ADAM18: variants seen among roughly 807,000 people sequenced by gnomAD.
ADAM18 encodes the protein ADAM metallopeptidase domain 18, also known as disintegrin and metalloproteinase domain-containing protein 18.
ADAM18 carries 117 observed loss-of-function variants against 94.4 expected under a neutral mutation model. The observed-to-expected ratio is 1.24, with a 90% CI of 1.07 to 1.45. ADAM18 has a LOEUF of 1.45. Among genes scored for constraint, ADAM18 ranks in the 40% most tolerant of loss-of-function variants. The pLI, the probability that ADAM18 is intolerant of heterozygous loss-of-function variation, is 0.00. For missense variants in ADAM18, 936 were observed against 880.0 expected, an observed-to-expected ratio of 1.06 and a Z score of -0.81; for synonymous variants, 327 against 291.6, an observed-to-expected ratio of 1.12 and a Z score of -1.24.
At chr8:39,595,384 G>T (rs1331905722) in intron 2 of ADAM18, among the ~76,000 whole-genome samples, 4 of 152,318 alleles carry the variant, frequency 2.6e-5, no homozygotes, top group Admixed American at 2.6e-4. Context: ...CCTGTTGGTA[G>T]TTCCAGGTTG....
In ADAM18 at chr8:39,612,908, C is replaced by T. The variant is rs7816439; in HGVS notation, c.522+2202C>T. 5.8e-3 allele frequency among the ~76,000 whole-genome samples: 887 copies of T among 152,246 alleles called. 10 individuals are homozygous for T. Among genetic ancestry groups the T allele is most frequent in the African/African-American group, 0.02 (845 of 41,536 alleles). On this transcript the variant is annotated intron_variant, in intron 6 of 19. Coordinates refer to ENST00000265707, the MANE Select transcript of ADAM18 (RefSeq NM_014237.3). ...TCCCACCACTTTGTTGGTGCACACT[C>T]ACCCATAGCCTCCCCCATTATTTTT... is the stretch of plus-strand genomic sequence containing the variant.
intron 12 of ADAM18, among the ~76,000 whole-genome samples, chr8:39,662,074 G>A (rs1017436208): frequency 1.3e-5 from 2 of 151,818 alleles, no homozygotes; most frequent in African/African-American, 4.8e-5. Context: ...AAATAAAATT[G>A]CACAAATGCA....
chr8:39,641,752 T>G (rs754635438), intron 10 of ADAM18, among the ~76,000 whole-genome samples: 6 of 152,120 alleles, frequency 3.9e-5, no homozygotes, highest in Admixed American at 2.0e-4. Flanking sequence ...TTAGAATGAT[T>G]TATATTCCTT....
chr8:39,678,161 A>C lies in ADAM18; in HGVS notation c.1631+625A>C, dbSNP rs774478841. Among the ~76,000 whole-genome samples the C allele has an allele frequency of 4.6e-5, 7 of 152,352 alleles. No homozygotes were observed. The South Asian group carries it at 8.3e-4, about 18-fold the overall frequency. On this transcript the variant is annotated intron_variant, in intron 15 of 19. Transcript: ENST00000265707. ...TGTGTAACAGAGCCAGATTCACAAA[A>C]TAAGAGAAAGGGAATAACATAAAAA...
chr8:39,621,309 TCACACACACACACACACACACA>T lies in ADAM18; in HGVS notation c.523-8037_523-8016del, dbSNP rs55818122. Among the ~76,000 whole-genome samples, 16 of 128,908 alleles carry T rather than the reference TCACACACACACACACACACACA, an allele frequency of 1.2e-4. 1 individual carries two copies. The highest frequency in any genetic ancestry group is 3.9e-3 in the Middle Eastern group (1 of 258). 84.6% of individuals were successfully genotyped at this position (128,908 alleles called of 152,430 possible). A position where few individuals can be genotyped will look rare whatever the true frequency, so the allele number is the denominator to read the frequency against. ...TGACATGAACACATGCATGACAAAATCACACACACACACACACACACACACACACACACACACACACACACAC... is the reference window on the plus strand; with the variant it reads ...TGACATGAACACATGCATGACAAAATCACACACACACACACACACACACAC... On this transcript the variant is annotated intron_variant, in intron 6 of 19. Coordinates refer to ENST00000265707, the MANE Select transcript of ADAM18 (RefSeq NM_014237.3).
rs538445152 is a variant in ADAM18 at position 39,637,777 on chromosome 8, C to T, written c.827+74C>T. ...AATTGGTAATTTAGTGAATTTATTG[C>T]GTTCTTCAGTTTTTTGTAAGCCCCT... On this transcript the variant is annotated intron_variant, in intron 9 of 19. Transcript: ENST00000265707. 4.6e-5 allele frequency: 62 copies of T among 1,348,110 alleles called. No homozygotes were observed. The Admixed American group carries it at 9.2e-4, about 20-fold the overall frequency. 83.5% of individuals were successfully genotyped at this position (1,348,110 alleles called of 1,614,324 possible). A position where few individuals can be genotyped will look rare whatever the true frequency, so the allele number is the denominator to read the frequency against.
intron 14 of ADAM18, among the ~76,000 whole-genome samples, chr8:39,674,952 C>A (rs11784723): frequency 0.62 from 94,372 of 151,662 alleles, 31,683 homozygotes; most frequent in Non-Finnish European, 0.76. Context: ...ATATTTGCCC[C>A]CACTCTCTTC....
At chr8:39,725,401 A>T (rs1822874899) in intron 19 of ADAM18, among the ~76,000 whole-genome samples, 1 of 152,180 alleles carries the variant, frequency 6.6e-6, no homozygotes, top group Middle Eastern at 3.4e-3. Flanking sequence ...ACAATACAGT[A>T]TTGTTAGCTA....
At chr8:39,707,035 C>G in intron 18 of ADAM18, 131 bp downstream of exon 18, 1 of 571,314 alleles carries the variant, frequency 1.8e-6, no homozygotes, top group South Asian at 2.5e-5. Context: ...GTGGGGGATA[C>G]ATTCTAAAAC....
chr8:39,684,672 C>T (rs1585978315), intron 16 of ADAM18, among the ~76,000 whole-genome samples: 2 of 152,200 alleles, frequency 1.3e-5, no homozygotes, highest in South Asian at 4.1e-4. Flanking sequence ...ACTCTTGCTC[C>T]CAGCTCCACT....
rs757164906 is a variant in ADAM18 at position 39,629,434 on chromosome 8, G to A, written c.583G>A (p.Ala195Thr). The A allele has an allele frequency of 1.9e-6, 3 of 1,576,054 alleles. No homozygotes were observed. Among genetic ancestry groups the A allele is most frequent in the South Asian group, 1.2e-5 (1 of 84,694 alleles). Residue 195 changes from alanine (A) to threonine (T), a missense_variant, in exon 7 of 20, where the codon GCT becomes ACT. By Grantham distance (58) the Ala-to-Thr change is moderately conservative. Transcript: ENST00000265707. ...YLEIYIIVEK[A>T]LYDYMGSEMM... ...GGAAATATACATTATAGTGGAAAAAGCTTTGGTAAGTATGCTTTCAAGAGG... is the reference window on the plus strand; with the variant it reads ...GGAAATATACATTATAGTGGAAAAAACTTTGGTAAGTATGCTTTCAAGAGG...
At chr8:39,666,988 G>A (rs1821007248) in intron 13 of ADAM18, among the ~76,000 whole-genome samples, 1 of 152,150 alleles carries the variant, frequency 6.6e-6, no homozygotes, top group South Asian at 2.1e-4. Flanking sequence ...CACTATGGAT[G>A]GCAATCTATT....
intron 2 of ADAM18, among the ~76,000 whole-genome samples, chr8:39,587,933 A>C (rs914109318): frequency 1.3e-5 from 2 of 152,146 alleles, no homozygotes; most frequent in Admixed American, 6.6e-5. Context: ...TTATGCATTC[A>C]TGTCATTGAA....
intron 10 of ADAM18, among the ~76,000 whole-genome samples, chr8:39,643,594 G>A (rs543995016): frequency 5.9e-5 from 9 of 152,162 alleles, no homozygotes; most frequent in African/African-American, 2.2e-4. Context: ...ATAAAATAGA[G>A]TTCTGAAATC....
chr8:39,658,279 A>G lies in ADAM18; in HGVS notation c.1231-5516A>G, dbSNP rs530038229. Among the ~76,000 whole-genome samples, 3 of 152,276 alleles carry G rather than the reference A, an allele frequency of 2.0e-5. No homozygotes were observed. In the East Asian group the frequency reaches 5.8e-4, roughly 29 times the overall value. On this transcript the variant is annotated intron_variant, in intron 12 of 19. Coordinates refer to ENST00000265707, the MANE Select transcript of ADAM18 (RefSeq NM_014237.3). ...TCATCCTTGAACCTGTGTGCATGCTATTTCACATGGCAAAAGGAACTTCGC... is the reference window on the plus strand; with the variant it reads ...TCATCCTTGAACCTGTGTGCATGCTGTTTCACATGGCAAAAGGAACTTCGC...
chr8:39,649,901 C>T (rs555982904), intron 12 of ADAM18, among the ~76,000 whole-genome samples: 4 of 152,074 alleles, frequency 2.6e-5, no homozygotes, highest in African/African-American at 4.8e-5. Flanking sequence ...AGCTGCCGCC[C>T]GCCTCTTCTT....
intron 15 of ADAM18, among the ~76,000 whole-genome samples, chr8:39,677,960 T>C (rs939940480): frequency 6.6e-6 from 1 of 152,204 alleles, no homozygotes; most frequent in African/African-American, 2.4e-5. Flanking sequence ...ATGTAAAGCA[T>C]GGAAGTATCT....
intron 18 of ADAM18, 88 bp downstream of exon 18, chr8:39,706,992 C>T: frequency 1.4e-6 from 1 of 722,716 alleles, no homozygotes; most frequent in Admixed American, 2.4e-5. Context: ...TGAATGGTAG[C>T]TTCATCTACA....
intron 16 of ADAM18, among the ~76,000 whole-genome samples, chr8:39,681,700 C>T (rs146646824): frequency 5.3e-5 from 8 of 152,110 alleles, no homozygotes; most frequent in Non-Finnish European, 5.9e-5. Flanking sequence ...GACCTTAAGT[C>T]CAACTCTGCA....
Sources: gnomAD v4.1 joint callset for allele counts (sites outside exome capture counted in the v4.1 genomes callset) on GRCh38, gnomAD v4.1.1 for gene constraint, MANE v1.5 for transcripts, NCBI Gene and HGNC (gene_info 2026-07-23, HGNC 2026-07-21) for gene names.